Variants in SLAIN2 observed in about 807,000 individuals in gnomAD.
The protein encoded by SLAIN2 is SLAIN motif-containing protein 2.
In SLAIN2, 31 loss-of-function variants were observed where a neutral mutation model predicts 56.6. The ratio of observed to expected loss-of-function variants is 0.55; its 90% CI spans 0.41 to 0.74. The LOEUF is 0.74. Ranked by LOEUF, SLAIN2 falls within the 30% of genes least tolerant of loss-of-function variation. SLAIN2 has a pLI of 0.00. For missense variants in SLAIN2, 777 were observed against 754.2 expected, an observed-to-expected ratio of 1.03 and a Z score of -0.35; for synonymous variants, 317 against 284.9, an observed-to-expected ratio of 1.11 and a Z score of -1.13.
At chr4:48,401,361 A>G (rs2109777175) in intron 6 of SLAIN2, among the ~76,000 whole-genome samples, 1 of 152,238 alleles carries the variant, frequency 6.6e-6, no homozygotes, top group East Asian at 1.9e-4. Context: ...TCTGTCTAAT[A>G]TTGTCAGAGG....
chr4:48,377,551 T>C (rs982559553), intron 2 of SLAIN2, among the ~76,000 whole-genome samples: 4 of 152,098 alleles, frequency 2.6e-5, no homozygotes, highest in African/African-American at 7.2e-5. Flanking sequence ...TATGCTTTTA[T>C]ATTCCATTTA....
At chr4:48,398,453 C>T (rs1415995551) in intron 6 of SLAIN2, among the ~76,000 whole-genome samples, 1 of 152,158 alleles carries the variant, frequency 6.6e-6, no homozygotes, top group Non-Finnish European at 1.5e-5. Flanking sequence ...GTTGCCTGTT[C>T]ACTCCGATGA....
At chr4:48,402,769 G>A (rs973250454) in intron 6 of SLAIN2, among the ~76,000 whole-genome samples, 2 of 152,216 alleles carry the variant, frequency 1.3e-5, no homozygotes, top group African/African-American at 4.8e-5. Flanking sequence ...CCTTGCCGGA[G>A]AGATGTGGTC....
In SLAIN2 at chr4:48,422,055, G is replaced by C; in HGVS notation, c.1724G>C (p.Ser575Thr). The C allele has an allele frequency of 6.2e-7, 1 of 1,610,974 alleles. No individual in the cohort carries two copies. The highest frequency in any genetic ancestry group is 1.1e-5 in the South Asian group (1 of 90,148). Residue 575 changes from serine (S) to threonine (T), a missense_variant, in exon 8 of 8, where the codon AGT (serine) becomes ACT (threonine). By Grantham distance (58) the Ser-to-Thr change is moderately conservative (BLOSUM62 1). Coordinates refer to ENST00000264313, the MANE Select transcript of SLAIN2 (RefSeq NM_020846.2). The stretch of plus-strand genomic sequence containing the variant: ...ACCTATGGTAGCATGAAAGATGACA[G>C]TTGGAAAGATGGCTGTTACTGACCA... The part of the protein sequence containing the change: ...PKTYGSMKDD[S>T]WKDGCY
rs142994505 is a variant in SLAIN2 at position 48,389,483 on chromosome 4, T to C, written c.1360+5699T>C. Among the ~76,000 whole-genome samples the C allele has an allele frequency of 1.7e-3, 252 of 152,302 alleles. 2 individuals are homozygous for C. Among genetic ancestry groups the C allele is most frequent in the African/African-American group, 5.4e-3 (224 of 41,574 alleles). On this transcript the variant is annotated intron_variant, in intron 6 of 7. Coordinates refer to ENST00000264313, the MANE Select transcript of SLAIN2 (RefSeq NM_020846.2). The stretch of plus-strand genomic sequence containing the variant: ...TTGGGTATATGTTATATTTCCAGCA[T>C]TGGGAATATAAATGTTAAGACAGCC...
Position 48,342,009 on chromosome 4 carries a change from G to T in SLAIN2, c.270G>T (p.Glu90Asp). 1 of 1,419,116 alleles carries T rather than the reference G, an allele frequency of 7.0e-7. No individual in the cohort carries two copies. Among genetic ancestry groups the T allele is most frequent in the Non-Finnish European group, 9.2e-7 (1 of 1,091,454 alleles). The allele number at this position is 1,419,116 out of a possible 1,614,324, so 87.9% of individuals were successfully genotyped here. ...GCCCGAGGCGGACGAGTAGCGAAGA[G>T]CTGCGGGACGCCACCTCCTTGCTAG... ...GSGPRRTSSE[E>D]LRDATSLLAA... Residue 90 changes from glutamate to aspartate, a missense_variant, in exon 1 of 8, where the codon GAG becomes GAT. Physicochemically the swap from Glu to Asp is conservative, Grantham distance 45. Transcript: ENST00000264313.
At chr4:48,403,595 C>T (rs531767204) in intron 6 of SLAIN2, among the ~76,000 whole-genome samples, 1 of 152,316 alleles carries the variant, frequency 6.6e-6, no homozygotes, top group Non-Finnish European at 1.5e-5. Flanking sequence ...TGGCGGCCAC[C>T]CTTCCTCCCA....
At chr4:48,382,232 A>C (rs1443203812) in intron 4 of SLAIN2, among the ~76,000 whole-genome samples, 1 of 152,074 alleles carries the variant, frequency 6.6e-6, no homozygotes, top group Non-Finnish European at 1.5e-5. Flanking sequence ...ATATTCCTTT[A>C]ATATTAGTCT....
intron 1 of SLAIN2, among the ~76,000 whole-genome samples, chr4:48,369,230 T>A (rs1715603992): frequency 6.6e-6 from 1 of 152,178 alleles, no homozygotes; most frequent in Admixed American, 6.5e-5. Context: ...CACACTTCCT[T>A]ATCTTCTGCT....
At position 48,386,594 on chromosome 4, in the gene SLAIN2, A is replaced by G. The variant is rs146651432; in HGVS notation, c.1360+2810A>G. Reference sequence around the variant, plus strand: ...ATTTATTCAGCTAGATATATGCTAAAACCTGTTTTTATAGCAAATTACATT... The same window carrying G: ...ATTTATTCAGCTAGATATATGCTAAGACCTGTTTTTATAGCAAATTACATT... On this transcript the variant is annotated intron_variant, in intron 6 of 7. Coordinates refer to ENST00000264313, the MANE Select transcript of SLAIN2 (RefSeq NM_020846.2). Among the ~76,000 whole-genome samples, 99 of 152,320 alleles carry G rather than the reference A, an allele frequency of 6.5e-4. 1 individual carries two copies. The East Asian group carries it at 0.018, about 28-fold the overall frequency.
chr4:48,347,765 C>G (rs147036537), intron 1 of SLAIN2, among the ~76,000 whole-genome samples: 1 of 152,188 alleles, frequency 6.6e-6, no homozygotes, highest in Admixed American at 6.5e-5. Flanking sequence ...TAAACAGTTT[C>G]CCTGTTTCCA....
chr4:48,382,657 G>A lies in SLAIN2; in HGVS notation c.952G>A (p.Glu318Lys). Residue 318 changes from glutamate to lysine, a missense_variant, in exon 5 of 8, where the codon GAA becomes AAA. Coordinates refer to ENST00000264313, the MANE Select transcript of SLAIN2 (RefSeq NM_020846.2). ...STRRGTFSDQ[E>K]LDAQSLDDED... is the part of the protein sequence containing the mutation. ...AAGACGGGGTACTTTTAGTGATCAG[G>A]AACTTGATGCACAAAGTTTAGATGA... 1 of 1,613,740 alleles carries A rather than the reference G, an allele frequency of 6.2e-7. No individual in the cohort carries two copies. Among genetic ancestry groups the A allele is most frequent in the Non-Finnish European group, 8.5e-7 (1 of 1,179,796 alleles).
intron 6 of SLAIN2, among the ~76,000 whole-genome samples, chr4:48,417,779 A>G (rs1449153774): frequency 7.6e-4 from 114 of 149,838 alleles, no homozygotes; most frequent in African/African-American, 2.3e-3. Context: ...ATGCAGAAAA[A>G]GCCTTTGACA....
At chr4:48,350,924 A>G (rs1052345151) in intron 1 of SLAIN2, among the ~76,000 whole-genome samples, 3 of 152,276 alleles carry the variant, frequency 2.0e-5, no homozygotes, top group African/African-American at 7.2e-5. Context: ...GGTATCAGAT[A>G]TGAAATTCTT....
At chr4:48,388,154 A>T (rs1716148486) in intron 6 of SLAIN2, among the ~76,000 whole-genome samples, 1 of 152,174 alleles carries the variant, frequency 6.6e-6, no homozygotes. Context: ...GGATGCTGGC[A>T]TTGAAATATG....
chr4:48,364,126 G>C (rs1356595641), intron 1 of SLAIN2, among the ~76,000 whole-genome samples: 7 of 58,046 alleles, frequency 1.2e-4, no homozygotes, highest in African/African-American at 4.6e-4. Flanking sequence ...AGACGGGGTG[G>C]TTGCCAGGCA....
At chr4:48,352,351 A>G (rs1715036010) in intron 1 of SLAIN2, among the ~76,000 whole-genome samples, 1 of 152,260 alleles carries the variant, frequency 6.6e-6, no homozygotes, top group East Asian at 1.9e-4. Context: ...CCATCACATC[A>G]CATCAAGCTA....
At chr4:48,366,682 T>G (rs1404188635) in intron 1 of SLAIN2, among the ~76,000 whole-genome samples, 1 of 152,224 alleles carries the variant, frequency 6.6e-6, no homozygotes, top group East Asian at 1.9e-4. Context: ...AACGTTTCGT[T>G]GTGTCTTATT....
chr4:48,408,737 T>A lies in SLAIN2; in HGVS notation c.1361-11388T>A, dbSNP rs570839636. ...AGTTAACAGTAAGCTAAGGTTAATT[T>A]ATTATTGAAGAAAAATAAATTTAGT... On this transcript the variant is annotated intron_variant, in intron 6 of 7. Coordinates refer to ENST00000264313, the MANE Select transcript of SLAIN2 (RefSeq NM_020846.2). 2.0e-5 allele frequency among the ~76,000 whole-genome samples: 3 copies of A among 152,220 alleles called. No homozygotes were observed. The South Asian group carries it at 6.2e-4, about 32-fold the overall frequency.
Sources: gnomAD v4.1 joint callset for allele counts (sites outside exome capture counted in the v4.1 genomes callset) on GRCh38, gnomAD v4.1.1 for gene constraint, MANE v1.5 for transcripts, NCBI Gene and HGNC (gene_info 2026-07-23, HGNC 2026-07-21) for gene names.